Variants in ASCC3 observed in about 807,000 individuals in gnomAD.
The protein encoded by ASCC3 is activating signal cointegrator 1 complex subunit 3.
A neutral mutation model predicts 256.3 loss-of-function variants in ASCC3; 158 were observed. The observed-to-expected ratio is 0.62, with a 90% CI of 0.54 to 0.70. The LOEUF (loss-of-function observed/expected upper bound fraction) is 0.70, where lower values mean the gene tolerates loss of function less well. ASCC3 is among the 30% of genes least tolerant of loss of function. The probability of loss-of-function intolerance (pLI) is 0.00; values close to 1 mark genes in which losing one functional copy is unlikely to be tolerated. For missense variants in ASCC3, 2,259 were observed against 2,626.0 expected (o/e 0.86, Z 3.05); for synonymous variants, 948 against 883.4 (o/e 1.07, Z -1.30).
intron 30 of ASCC3, 35 bp downstream of exon 30, chr6:100,625,157 C>T (rs781496004): frequency 5.6e-5 from 90 of 1,608,450 alleles, no homozygotes; most frequent in East Asian, 3.6e-4. Context: ...CAACCTGAAA[C>T]GTGTAAGTAG....
At chr6:100,618,420 C>T (rs1229836079) in intron 30 of ASCC3, among the ~76,000 whole-genome samples, 3 of 152,206 alleles carry the variant, frequency 2.0e-5, no homozygotes, top group Admixed American at 6.5e-5. Context: ...CACGAAGATT[C>T]GTGACAAAAA....
chr6:100,577,023 A>G (rs1770905722), intron 36 of ASCC3, among the ~76,000 whole-genome samples: 1 of 151,068 alleles, frequency 6.6e-6, no homozygotes. Flanking sequence ...ACAGACTGCC[A>G]CATTAAAAAA....
intron 13 of ASCC3, among the ~76,000 whole-genome samples, chr6:100,707,586 C>T (rs967340529): frequency 6.6e-6 from 1 of 151,944 alleles, no homozygotes; most frequent in Non-Finnish European, 1.5e-5. Flanking sequence ...TGTTTGAGTA[C>T]ATTTTATTAA....
intron 10 of ASCC3, among the ~76,000 whole-genome samples, chr6:100,742,362 G>C (rs759390831): frequency 3.3e-5 from 5 of 152,192 alleles, no homozygotes; most frequent in Non-Finnish European, 7.4e-5. Flanking sequence ...TCTGGGACTT[G>C]CTCAGAGATA....
chr6:100,620,383 C>A (rs960579775), intron 30 of ASCC3, among the ~76,000 whole-genome samples: 1 of 152,132 alleles, frequency 6.6e-6, no homozygotes, highest in Non-Finnish European at 1.5e-5. Context: ...TATAACTTTA[C>A]ATCAATGATA....
chr6:100,654,069 A>T (rs1775804635), intron 17 of ASCC3, among the ~76,000 whole-genome samples: 1 of 152,122 alleles, frequency 6.6e-6, no homozygotes, highest in South Asian at 2.1e-4. Context: ...GGAGCAAAAG[A>T]ATATCAACTG....
At chr6:100,853,512 T>C (rs1772793603) in intron 3 of ASCC3, among the ~76,000 whole-genome samples, 1 of 150,272 alleles carries the variant, frequency 6.7e-6, no homozygotes, top group South Asian at 2.1e-4. Context: ...TCACCCAGAC[T>C]GGAGTGCAGT....
At chr6:100,601,694 C>T (rs1022745707) in intron 34 of ASCC3, 116 bp downstream of exon 34, 5 of 1,212,168 alleles carry the variant, frequency 4.1e-6, no homozygotes, top group Non-Finnish European at 5.9e-6. Context: ...ATTCATATAC[C>T]TAGAATCTCC....
chr6:100,662,694 A>G (rs1452622731), intron 14 of ASCC3, among the ~76,000 whole-genome samples, 158 bp from the exon 15 acceptor site: 1 of 152,042 alleles, frequency 6.6e-6, no homozygotes, highest in East Asian at 1.9e-4. Context: ...ATAAAATCAT[A>G]AAAAATAATG....
At chr6:100,860,750 G>A (rs1041235355) in intron 3 of ASCC3, among the ~76,000 whole-genome samples, 1 of 152,000 alleles carries the variant, frequency 6.6e-6, no homozygotes, top group Non-Finnish European at 1.5e-5. Context: ...GGACACAATG[G>A]GGAAAGTTAT....
At chr6:100,835,877 C>A (rs1252891301) in intron 4 of ASCC3, among the ~76,000 whole-genome samples, 1 of 152,060 alleles carries the variant, frequency 6.6e-6, no homozygotes, top group East Asian at 1.9e-4. Flanking sequence ...TTCCAATTCA[C>A]CAGTACAAAA....
intron 37 of ASCC3, chr6:100,530,623 A>G: frequency 2.5e-6 from 2 of 801,724 alleles, no homozygotes; most frequent in Non-Finnish European, 2.3e-6. Context: ...ATACAGTGTG[A>G]GTTCTCCAAA....
intron 1 of ASCC3, among the ~76,000 whole-genome samples, chr6:100,868,639 C>T (rs916452904): frequency 6.6e-5 from 10 of 152,150 alleles, no homozygotes; most frequent in Non-Finnish European, 1.5e-4. Flanking sequence ...TTTCAACCCA[C>T]AAAAAGTAAG....
At chr6:100,695,698 T>C (rs1582711858) in intron 13 of ASCC3, among the ~76,000 whole-genome samples, 1 of 151,436 alleles carries the variant, frequency 6.6e-6, no homozygotes, top group African/African-American at 2.4e-5. Context: ...GCATGGCCAA[T>C]TGGTCTACTT....
Position 100,799,540 on chromosome 6 carries a change from GGAA to G in ASCC3, c.1157_1159del (p.Val386_Pro387delinsAla). 6.2e-7 allele frequency: 1 copy of G among 1,612,746 alleles called. No homozygotes were observed. The highest frequency in any genetic ancestry group is 8.5e-7 in the Non-Finnish European group (1 of 1,179,406). Reference sequence around the variant, plus strand: ...TGCATCTCTCTGCCTGCTCAGAATTGGAACACTTCTAGCATTCAGAAGTGCCTG... The same window carrying G: ...TGCATCTCTCTGCCTGCTCAGAATTGCACTTCTAGCATTCAGAAGTGCCTG... On this transcript the variant is annotated inframe_deletion, in exon 7 of 42. Transcript: ENST00000369162.
At chr6:100,806,932 C>T (rs1443936277) in intron 4 of ASCC3, among the ~76,000 whole-genome samples, 1 of 151,750 alleles carries the variant, frequency 6.6e-6, no homozygotes, top group Non-Finnish European at 1.5e-5. Context: ...ATACTACTTT[C>T]AAATTAAGGT....
intron 36 of ASCC3, among the ~76,000 whole-genome samples, chr6:100,567,649 C>A (rs1770338980): frequency 1.3e-5 from 2 of 152,262 alleles, no homozygotes; most frequent in Admixed American, 6.5e-5. Context: ...TAGGTGAGAA[C>A]CTGCAGAATT....
intron 14 of ASCC3, among the ~76,000 whole-genome samples, chr6:100,671,679 TA>T (rs1776753615): frequency 6.6e-6 from 1 of 152,054 alleles, no homozygotes; most frequent in Admixed American, 6.6e-5. Context: ...ATTAAGGCAT[TA>T]TATTCCTTTC....
chr6:100,748,721 T>C (rs1235324470), intron 10 of ASCC3, among the ~76,000 whole-genome samples: 2 of 152,042 alleles, frequency 1.3e-5, no homozygotes, highest in South Asian at 2.1e-4. Context: ...AACTGAAGTA[T>C]TATATTTGAA....
Sources: allele counts gnomAD v4.1 joint callset (sites outside exome capture counted in the v4.1 genomes callset), GRCh38; gene constraint gnomAD v4.1.1; transcripts MANE v1.5; gene names NCBI Gene and HGNC (gene_info 2026-07-23, HGNC 2026-07-21).